FRMD5: variants seen among roughly 807,000 people sequenced by gnomAD.
The protein encoded by FRMD5 is FERM domain containing 5, also known as FERM domain-containing protein 5.
In FRMD5, 20 loss-of-function variants were observed where a neutral mutation model predicts 69.0. The observed-to-expected ratio is 0.29, with a 90% CI of 0.20 to 0.42. The LOEUF (loss-of-function observed/expected upper bound fraction) is 0.42. Among genes scored for constraint, FRMD5 ranks in the 10% least tolerant of loss-of-function variants. FRMD5 has a pLI of 1.00. For missense variants in FRMD5, 595 were observed against 708.6 expected (o/e 0.84, Z 1.82); for synonymous variants, 271 against 260.1 (o/e 1.04, Z -0.40).
intron 1 of FRMD5, chr15:43,989,749 G>T: frequency 1.0e-6 from 1 of 1,000,340 alleles, no homozygotes; most frequent in Non-Finnish European, 1.6e-6. Flanking sequence ...TGGTAGGCCA[G>T]AGGTGTACAG....
chr15:43,961,024 C>T (rs1294357421), intron 1 of FRMD5, among the ~76,000 whole-genome samples: 1 of 152,020 alleles, frequency 6.6e-6, no homozygotes, highest in Admixed American at 6.6e-5. Context: ...TATTCAAAAG[C>T]TAGCAGAAGG....
rs538795083 is a variant in FRMD5, at chr15:43,957,923, G to A, written c.103-33614C>T. Among the ~76,000 whole-genome samples, 24 of 152,146 alleles carry A rather than the reference G, an allele frequency of 1.6e-4. 1 individual carries two copies. In the South Asian group the frequency reaches 4.6e-3, roughly 29 times the overall value. The stretch of plus-strand genomic sequence containing the variant: ...GACCACTTACTGAGTCTTTACTGTG[G>A]GCGAGACACTATGCTTATGTCATTT... On this transcript the variant is annotated intron_variant, in intron 1 of 13. Transcript: ENST00000417257.
intron 1 of FRMD5, among the ~76,000 whole-genome samples, chr15:44,042,191 A>T (rs1339937576): frequency 2.0e-5 from 3 of 152,250 alleles, no homozygotes; most frequent in Non-Finnish European, 2.9e-5. Context: ...GAAGAAATGG[A>T]TAAATTCCGG....
chr15:43,892,986 C>T (rs986016764), intron 7 of FRMD5, among the ~76,000 whole-genome samples: 1 of 152,022 alleles, frequency 6.6e-6, no homozygotes, highest in Non-Finnish European at 1.5e-5. Flanking sequence ...TGCCTGTAAT[C>T]CCAGCTACTC....
intron 7 of FRMD5, among the ~76,000 whole-genome samples, chr15:43,900,345 T>G (rs1178064408): frequency 2.0e-5 from 3 of 152,182 alleles, no homozygotes; most frequent in African/African-American, 4.8e-5. Flanking sequence ...TGTTTGGAAG[T>G]TTTGCTAATG....
At chr15:44,043,782 G>T (rs1302644103) in intron 1 of FRMD5, among the ~76,000 whole-genome samples, 1 of 152,130 alleles carries the variant, frequency 6.6e-6, no homozygotes, top group East Asian at 1.9e-4. Flanking sequence ...ATTCAAGATG[G>T]ATTAAAGACT....
chr15:43,890,132 C>A (rs540082829), intron 8 of FRMD5, among the ~76,000 whole-genome samples: 1 of 152,112 alleles, frequency 6.6e-6, no homozygotes, highest in Non-Finnish European at 1.5e-5. Flanking sequence ...AACTCCCTCT[C>A]AATCAACCAT....
Position 43,873,421 on chromosome 15 carries a change from C to T in FRMD5, c.*464G>A, listed in dbSNP as rs557756261. On this transcript the variant is annotated 3_prime_UTR_variant, in exon 14 of 14. Transcript: ENST00000417257. ...TGCTGAGGCTGCAGTGATGAGTCTACTGGAACCCAGTGGCACCAGCAGGAA... is the reference window on the plus strand; with the variant it reads ...TGCTGAGGCTGCAGTGATGAGTCTATTGGAACCCAGTGGCACCAGCAGGAA... 1.3e-5 allele frequency: 18 copies of T among 1,435,594 alleles called. No homozygotes were observed. The South Asian group carries it at 2.4e-4, about 19-fold the overall frequency. 88.9% of individuals were successfully genotyped at this position (1,435,594 alleles called of 1,614,324 possible).
At chr15:44,192,829 C>T (rs1435544514) in intron 1 of FRMD5, among the ~76,000 whole-genome samples, 1 of 152,122 alleles carries the variant, frequency 6.6e-6, no homozygotes, top group Non-Finnish European at 1.5e-5. Context: ...GCAAAAATCA[C>T]AATGCACAAT....
intron 12 of FRMD5, among the ~76,000 whole-genome samples, chr15:43,884,455 T>C (rs1046943156): frequency 1.3e-5 from 2 of 152,118 alleles, no homozygotes; most frequent in African/African-American, 4.8e-5. Flanking sequence ...CTATGATCAG[T>C]GTCAAGACTA....
intron 1 of FRMD5, among the ~76,000 whole-genome samples, chr15:44,054,816 A>G (rs1201138565): frequency 6.6e-6 from 1 of 152,140 alleles, no homozygotes; most frequent in Non-Finnish European, 1.5e-5. Context: ...TCACACCTGT[A>G]ATCCCAGCAC....
intron 1 of FRMD5, among the ~76,000 whole-genome samples, chr15:44,027,639 G>GTTTTTTTTT (rs767882395): frequency 7.4e-5 from 2 of 27,050 alleles, no homozygotes; most frequent in Non-Finnish European, 3.6e-4. Context: ...TTCTTTTCTA[G>GTTTTTTTTT]TTTTTTTTTT....
At chr15:43,889,212 A>G (rs921302116) in intron 8 of FRMD5, among the ~76,000 whole-genome samples, 4 of 152,214 alleles carry the variant, frequency 2.6e-5, no homozygotes, top group African/African-American at 7.2e-5. Context: ...ACACAGGTGC[A>G]TTATCTGGAT....
At chr15:43,879,189 A>G (rs891481497) in intron 13 of FRMD5, among the ~76,000 whole-genome samples, 45 of 152,184 alleles carry the variant, frequency 3.0e-4, no homozygotes, top group African/African-American at 1.1e-3. Context: ...TGCCCATCTC[A>G]GCCTCCCAAA....
chr15:44,016,163 A>C (rs1890947691), intron 1 of FRMD5, among the ~76,000 whole-genome samples: 1 of 152,180 alleles, frequency 6.6e-6, no homozygotes, highest in African/African-American at 2.4e-5. Context: ...ATTAAACAGC[A>C]ACATCTGCAA....
At chr15:43,974,883 C>G (rs1044111311) in intron 1 of FRMD5, among the ~76,000 whole-genome samples, 3 of 152,192 alleles carry the variant, frequency 2.0e-5, no homozygotes, top group African/African-American at 7.2e-5. Context: ...AGCAGGTTCA[C>G]AGAACACTGA....
chr15:44,039,480 G>A (rs1026796142), intron 1 of FRMD5, among the ~76,000 whole-genome samples: 1 of 152,182 alleles, frequency 6.6e-6, no homozygotes, highest in Non-Finnish European at 1.5e-5. Flanking sequence ...GGAAAAAACA[G>A]GCAGCAATCT....
intron 1 of FRMD5, among the ~76,000 whole-genome samples, chr15:44,106,720 G>A (rs1350390041): frequency 1.3e-5 from 2 of 152,036 alleles, no homozygotes; most frequent in East Asian, 1.9e-4. Flanking sequence ...CTTATCCTTT[G>A]AGAAGTATGT....
At chr15:43,886,561 C>CTGT (rs1384206812) in intron 10 of FRMD5, among the ~76,000 whole-genome samples, 2 of 152,226 alleles carry the variant, frequency 1.3e-5, no homozygotes, top group Non-Finnish European at 2.9e-5. Context: ...TGGGATCCAC[C>CTGT]TGTAACATGC....
Sources: gnomAD v4.1 joint callset for allele counts (sites outside exome capture counted in the v4.1 genomes callset) on GRCh38, gnomAD v4.1.1 for gene constraint, MANE v1.5 for transcripts, NCBI Gene and HGNC (gene_info 2026-07-23, HGNC 2026-07-21) for gene names.